ABHD12: variants seen among roughly 807,000 people sequenced by gnomAD.
The protein encoded by ABHD12 is lysophosphatidylserine lipase ABHD12.
ABHD12 carries 43 observed loss-of-function variants against 58.3 expected under a neutral mutation model. That is an observed-to-expected ratio of 0.74 (90% CI 0.58 to 0.95). The LOEUF (loss-of-function observed/expected upper bound fraction) is 0.95. Among genes scored for constraint, ABHD12 ranks in the 40% least tolerant of loss-of-function variants. The pLI is 0.00. For synonymous variants in ABHD12, 219 were observed against 211.2 expected, an observed-to-expected ratio of 1.04 and a Z score of -0.32; for missense variants, 539 against 537.2, an observed-to-expected ratio of 1.00 and a Z score of -0.03.
chr20:25,329,345 C>T (rs1016209999), intron 2 of ABHD12, among the ~76,000 whole-genome samples: 1 of 152,252 alleles, frequency 6.6e-6, no homozygotes, highest in Non-Finnish European at 1.5e-5. Context: ...GCTCCTCATA[C>T]AGGCCCCCGC....
chr20:25,384,178 GCCCAGTACCT>G (rs1245621575), intron 1 of ABHD12, among the ~76,000 whole-genome samples: 3 of 149,514 alleles, frequency 2.0e-5, no homozygotes, highest in Non-Finnish European at 4.4e-5. Context: ...TCACTCATTT[GCCCAGTACCT>G]CCTCACACCA....
chr20:25,390,636 G>T lies in ABHD12; in HGVS notation c.68C>A (p.Ser23Tyr). The change falls in exon 1 of 13, where the codon TCC (serine) becomes TAC (tyrosine). Residue 23 changes from serine (S) to tyrosine (Y), a missense_variant. Ser to Tyr is a moderately radical substitution (Grantham distance 144). Transcript: ENST00000339157. ...ERCAAAGSSS[S>Y]GSAAAALDAD... ...GTCCAGCGCCGCGGCGGCCGAGCCGGAGGAGGACGAGCCCGCGGCGGCGCA... is the reference window on the plus strand; with the variant it reads ...GTCCAGCGCCGCGGCGGCCGAGCCGTAGGAGGACGAGCCCGCGGCGGCGCA... The T allele has an allele frequency of 1.4e-6, 2 of 1,453,186 alleles. No individual in the cohort carries two copies. The highest frequency in any genetic ancestry group is 2.3e-4 in the Middle Eastern group (1 of 4,378). The allele number at this position is 1,453,186 out of a possible 1,614,324, so 90.0% of individuals were successfully genotyped here.
At chr20:25,299,626 T>A (rs932315919), downstream of ABHD12, among the ~76,000 whole-genome samples, 4 of 152,180 alleles carry the variant, frequency 2.6e-5, no homozygotes, top group African/African-American at 9.6e-5. Context: ...AGTAAACCTA[T>A]GTCCTAAAGA....
chr20:25,365,762 G>A (rs948446663), intron 1 of ABHD12, among the ~76,000 whole-genome samples: 2 of 152,166 alleles, frequency 1.3e-5, no homozygotes, highest in Non-Finnish European at 2.9e-5. Context: ...AATTAATAAA[G>A]TGTTCACCAG....
intron 1 of ABHD12, among the ~76,000 whole-genome samples, chr20:25,364,832 G>A (rs1227090792): frequency 2.6e-5 from 4 of 152,180 alleles, no homozygotes; most frequent in Non-Finnish European, 5.9e-5. Flanking sequence ...CTCTCACACC[G>A]CCAATGGGAG....
chr20:25,297,060 A>ACAGCCCC (rs1568703573), downstream of ABHD12: 1 of 161,258 alleles, frequency 6.2e-6, no homozygotes, highest in East Asian at 1.9e-4. Context: ...CATCGCCTTC[A>ACAGCCCC]CAGCCCCCTG....
chr20:25,303,455 G>T (rs1459458555), intron 11 of ABHD12, 95 bp downstream of exon 11: 2 of 1,556,890 alleles, frequency 1.3e-6, no homozygotes, highest in Non-Finnish European at 1.7e-6. Flanking sequence ...GCATGCAGGG[G>T]CTGCCTTCCC....
chr20:25,306,180 C>CAAAAA (rs11474922), intron 10 of ABHD12, among the ~76,000 whole-genome samples: 1 of 137,630 alleles, frequency 7.3e-6, no homozygotes, highest in African/African-American at 2.6e-5. Context: ...AAAACAAAAA[C>CAAAAA]AAAAAAAAAA....
At chr20:25,373,862 T>G (rs1327464418) in intron 1 of ABHD12, among the ~76,000 whole-genome samples, 1 of 152,182 alleles carries the variant, frequency 6.6e-6, no homozygotes, top group East Asian at 1.9e-4. Context: ...TTTCTCCTCT[T>G]CTTTGAGGAC....
At chr20:25,373,913 A>G (rs1484672547) in intron 1 of ABHD12, among the ~76,000 whole-genome samples, 2 of 152,032 alleles carry the variant, frequency 1.3e-5, no homozygotes, top group Non-Finnish European at 2.9e-5. Context: ...GTTGTCCCAT[A>G]GCATAGTGAT....
intron 2 of ABHD12, among the ~76,000 whole-genome samples, chr20:25,336,725 T>A (rs979980682): frequency 5.9e-5 from 9 of 152,146 alleles, no homozygotes; most frequent in African/African-American, 2.2e-4. Flanking sequence ...CTGCCTTTCC[T>A]CCCAAAGGGG....
chr20:25,330,779 A>G (rs2089259684), intron 2 of ABHD12, among the ~76,000 whole-genome samples: 1 of 152,210 alleles, frequency 6.6e-6, no homozygotes, highest in Non-Finnish European at 1.5e-5. Context: ...AAAACTAACA[A>G]ACAGAAAGGA....
chr20:25,301,010 A>T, intron 12 of ABHD12, 126 bp from the exon 13 acceptor site: 2 of 984,646 alleles, frequency 2.0e-6, no homozygotes, highest in Non-Finnish European at 3.1e-6. Context: ...GAGCCCCATG[A>T]GGATGCGCTG....
At chr20:25,364,215 A>C (rs557631733) in intron 1 of ABHD12, among the ~76,000 whole-genome samples, 1 of 152,246 alleles carries the variant, frequency 6.6e-6, no homozygotes, top group Non-Finnish European at 1.5e-5. Flanking sequence ...AAAACTCATG[A>C]TAAGACAATA....
intron 1 of ABHD12, among the ~76,000 whole-genome samples, chr20:25,355,859 T>A (rs1357589879): frequency 3.0e-5 from 1 of 33,584 alleles, no homozygotes; most frequent in Non-Finnish European, 5.5e-5. Context: ...GCCCAGCCCA[T>A]AAAGGGTATT....
chr20:25,380,436 G>A (rs749238840), intron 1 of ABHD12, among the ~76,000 whole-genome samples: 3 of 151,862 alleles, frequency 2.0e-5, no homozygotes, highest in Non-Finnish European at 4.4e-5. Context: ...TTTATTTTTT[G>A]ATATCTAATA....
At chr20:25,320,153 A>C (rs760482007) in intron 4 of ABHD12, 46 bp downstream of exon 4, 6 of 1,611,098 alleles carry the variant, frequency 3.7e-6, no homozygotes, top group Non-Finnish European at 5.1e-6. Context: ...CCACCCCAAA[A>C]AGGAGCCATG....
chr20:25,353,563 C>G (rs1435051963), intron 1 of ABHD12, among the ~76,000 whole-genome samples: 2 of 152,140 alleles, frequency 1.3e-5, no homozygotes, highest in Non-Finnish European at 2.9e-5. Context: ...TAAGCCTGAC[C>G]CAGCTGTATT....
chr20:25,330,385 G>A (rs985748976), intron 2 of ABHD12, among the ~76,000 whole-genome samples: 1 of 152,256 alleles, frequency 6.6e-6, no homozygotes, highest in Non-Finnish European at 1.5e-5. Context: ...CGAGGCTTGG[G>A]GAGGGGCGCC....
Sources: gnomAD v4.1 joint callset for allele counts (sites outside exome capture counted in the v4.1 genomes callset) on GRCh38, gnomAD v4.1.1 for gene constraint, MANE v1.5 for transcripts, NCBI Gene and HGNC (gene_info 2026-07-23, HGNC 2026-07-21) for gene names.